The following NYAP2 variants were observed in gnomAD, a reference collection of about 807,000 sequenced individuals.
The protein encoded by NYAP2 is neuronal tyrosine-phosphorylated phosphoinositide-3-kinase adapter 2.
Under a neutral mutation model 50.4 loss-of-function variants are expected in NYAP2, and 23 were observed. The ratio of observed to expected loss-of-function variants is 0.46; its 90% confidence interval spans 0.33 to 0.65. The LOEUF (loss-of-function observed/expected upper bound fraction) is 0.65. Among genes scored for constraint, NYAP2 ranks in the 30% least tolerant of loss-of-function variants. The pLI is 0.02. For missense variants in NYAP2, 885 were observed against 861.0 expected (o/e 1.03, Z -0.35); for synonymous variants, 394 against 365.2 (o/e 1.08, Z -0.90).
intron 4 of NYAP2, among the ~76,000 whole-genome samples, chr2:225,551,055 A>AT (rs1691665476): frequency 6.6e-6 from 1 of 152,144 alleles, no homozygotes. Flanking sequence ...AAATATTATG[A>AT]TTTTCCAATT....
chr2:225,699,085 G>A, the NYAP2 span: 30 of 151,952 alleles, frequency 2.0e-4, no homozygotes, highest in East Asian at 5.8e-4. Flanking sequence ...AAGTTTCAAG[G>A]GTTTGACAGG....
intron 3 of NYAP2, among the ~76,000 whole-genome samples, chr2:225,513,065 A>G (rs1248560996): frequency 6.6e-6 from 1 of 152,178 alleles, no homozygotes; most frequent in East Asian, 1.9e-4. Flanking sequence ...GTCAAAATGA[A>G]TCTGAGTCAT....
At chr2:225,692,337 A>G in the NYAP2 span, among the ~76,000 whole-genome samples, 1 of 152,094 alleles carries the variant, frequency 6.6e-6, no homozygotes, top group Admixed American at 6.6e-5. Flanking sequence ...ATGGCACTGC[A>G]TTGCTATTCC....
At chr2:225,610,350 G>A (rs551343354) in intron 5 of NYAP2, among the ~76,000 whole-genome samples, 21 of 152,054 alleles carry the variant, frequency 1.4e-4, no homozygotes, top group African/African-American at 4.6e-4. Flanking sequence ...TGCATACCTC[G>A]GTTCTCTCTT....
chr2:225,676,520 G>A, the NYAP2 span, among the ~76,000 whole-genome samples: 2 of 152,218 alleles, frequency 1.3e-5, no homozygotes, highest in African/African-American at 2.4e-5. Context: ...CATGGCTGGG[G>A]AGGCCTCACA....
chr2:225,461,925 A>G (rs574844012), intron 3 of NYAP2, among the ~76,000 whole-genome samples: 9 of 152,338 alleles, frequency 5.9e-5, no homozygotes, highest in Non-Finnish European at 1.0e-4. Context: ...GAGTGAAAAC[A>G]GGTATCTTCT....
intron 5 of NYAP2, among the ~76,000 whole-genome samples, chr2:225,591,022 G>A (rs146050692): frequency 6.6e-6 from 1 of 152,318 alleles, no homozygotes; most frequent in African/African-American, 2.4e-5. Context: ...AGAAGGCGAG[G>A]AAGAAACCTA....
At chr2:225,519,297 G>A (rs960199558) in intron 4 of NYAP2, among the ~76,000 whole-genome samples, 4 of 149,622 alleles carry the variant, frequency 2.7e-5, no homozygotes, top group Non-Finnish European at 5.9e-5. Flanking sequence ...TATACTTTAA[G>A]TTTTAGGGTA....
At chr2:225,512,686 G>T (rs1322547813) in intron 3 of NYAP2, among the ~76,000 whole-genome samples, 2 of 137,588 alleles carry the variant, frequency 1.5e-5, no homozygotes, top group African/African-American at 5.5e-5. Flanking sequence ...GTCTTGCTTT[G>T]CTTGTCTTGC....
the NYAP2 span, among the ~76,000 whole-genome samples, chr2:225,682,275 T>C: frequency 2.0e-5 from 3 of 152,216 alleles, no homozygotes. Flanking sequence ...TGACACATTA[T>C]AAGGTCTTTA....
intron 5 of NYAP2, among the ~76,000 whole-genome samples, chr2:225,588,159 C>T (rs1692420951): frequency 1.3e-5 from 2 of 152,284 alleles, no homozygotes; most frequent in African/African-American, 4.8e-5. Flanking sequence ...CTCCTGACCT[C>T]AGGTTATCTG....
chr2:225,699,267 A>G, the NYAP2 span: 1 of 152,074 alleles, frequency 6.6e-6, no homozygotes, highest in Non-Finnish European at 1.5e-5. Flanking sequence ...CTCCAGAGAA[A>G]GTTACTAGGA....
chr2:225,545,165 G>GT, intron 4 of NYAP2, among the ~76,000 whole-genome samples: 1 of 152,218 alleles, frequency 6.6e-6, no homozygotes, highest in African/African-American at 2.4e-5. Flanking sequence ...CCATGAGGTA[G>GT]TTTTCTTTGG....
At chr2:225,692,338 T>C in the NYAP2 span, among the ~76,000 whole-genome samples, 1 of 152,170 alleles carries the variant, frequency 6.6e-6, no homozygotes, top group African/African-American at 2.4e-5. Flanking sequence ...TGGCACTGCA[T>C]TGCTATTCCT....
intron 3 of NYAP2, among the ~76,000 whole-genome samples, chr2:225,410,076 A>G (rs1417417258): frequency 6.6e-6 from 1 of 152,122 alleles, no homozygotes; most frequent in Non-Finnish European, 1.5e-5. Flanking sequence ...TTCTCTTAAA[A>G]TGAATTATTC....
chr2:225,470,335 C>A (rs1689994347), intron 3 of NYAP2, among the ~76,000 whole-genome samples: 1 of 152,098 alleles, frequency 6.6e-6, no homozygotes, highest in Non-Finnish European at 1.5e-5. Flanking sequence ...TGCACTCACA[C>A]CCATTTCCCC....
At chr2:225,602,196 C>A (rs1318889136) in intron 5 of NYAP2, among the ~76,000 whole-genome samples, 1 of 152,032 alleles carries the variant, frequency 6.6e-6, no homozygotes, top group African/African-American at 2.4e-5. Flanking sequence ...CTTGGAGGAC[C>A]AATTGGAGGT....
the NYAP2 span, among the ~76,000 whole-genome samples, chr2:225,689,339 G>T: frequency 6.6e-6 from 1 of 152,166 alleles, no homozygotes; most frequent in Admixed American, 6.6e-5. Context: ...TCTTCTTGAT[G>T]AGTGACTTTT....
intron 4 of NYAP2, among the ~76,000 whole-genome samples, chr2:225,524,120 G>A (rs1281009831): frequency 1.3e-5 from 2 of 152,172 alleles, no homozygotes; most frequent in African/African-American, 4.8e-5. Flanking sequence ...ACAAGGTGAA[G>A]TCCCACAATA....
Sources: allele counts gnomAD v4.1 joint callset (sites outside exome capture counted in the v4.1 genomes callset), GRCh38; gene constraint gnomAD v4.1.1; transcripts MANE v1.5; gene names NCBI Gene and HGNC (gene_info 2026-07-23, HGNC 2026-07-21).